The following PKHD1 variants were observed in gnomAD, a reference collection of about 807,000 sequenced individuals.
PKHD1 encodes fibrocystin.
A neutral mutation model predicts 412.0 loss-of-function variants in PKHD1; 291 were observed. The observed-to-expected ratio is 0.71, with a 90% confidence interval of 0.64 to 0.78. The LOEUF (loss-of-function observed/expected upper bound fraction) is 0.78, where lower values mean the gene tolerates loss of function less well. PKHD1 is among the 30% of genes least tolerant of loss of function. PKHD1 has a pLI of 0.00. For missense variants in PKHD1, 4,825 were observed against 4,950.7 expected, an observed-to-expected ratio of 0.97 and a Z score of 0.76; for synonymous variants, 1,777 against 1,821.5, an observed-to-expected ratio of 0.98 and a Z score of 0.62.
intron 21 of PKHD1, among the ~76,000 whole-genome samples, chr6:52,052,320 A>C (rs1806989444): frequency 6.6e-6 from 1 of 152,202 alleles, no homozygotes; most frequent in Non-Finnish European, 1.5e-5. Flanking sequence ...CAGACACCTC[A>C]GCAGGGCCCA....
chr6:51,989,947 GAAA>G (rs1796794854), intron 35 of PKHD1, among the ~76,000 whole-genome samples: 9 of 105,978 alleles, frequency 8.5e-5, no homozygotes, highest in African/African-American at 1.8e-4. Flanking sequence ...AAGGAAGGAA[GAAA>G]GGAAGGAAAG....
At chr6:51,911,641 A>G (rs527546738) in intron 39 of PKHD1, among the ~76,000 whole-genome samples, 158 bp downstream of exon 39, 1 of 152,160 alleles carries the variant, frequency 6.6e-6, no homozygotes, top group South Asian at 2.1e-4. Context: ...TGAAATGACA[A>G]TCAAGAGCAT....
intron 50 of PKHD1, among the ~76,000 whole-genome samples, chr6:51,843,350 C>T (rs1285873460): frequency 6.6e-6 from 1 of 152,220 alleles, no homozygotes; most frequent in Non-Finnish European, 1.5e-5. Context: ...TCGATGTAGG[C>T]CTCAGGCCTG....
intron 2 of PKHD1, 128 bp from the exon 3 acceptor site, chr6:52,083,383 G>T: frequency 2.8e-6 from 2 of 721,300 alleles, no homozygotes. Context: ...ACAGGTGGTT[G>T]CACCACATCC....
At chr6:51,763,251 T>C (rs983522105) in intron 55 of PKHD1, among the ~76,000 whole-genome samples, 1 of 152,038 alleles carries the variant, frequency 6.6e-6, no homozygotes, top group East Asian at 1.9e-4. Flanking sequence ...ACCTAACTTA[T>C]AGCATTGAAA....
At chr6:51,789,419 T>C (rs1793390037) in intron 53 of PKHD1, among the ~76,000 whole-genome samples, 1 of 152,102 alleles carries the variant, frequency 6.6e-6, no homozygotes, top group African/African-American at 2.4e-5. Flanking sequence ...TACATGTATA[T>C]CTATATATTC....
At chr6:51,818,350 A>C (rs973300686) in intron 52 of PKHD1, among the ~76,000 whole-genome samples, 3 of 152,252 alleles carry the variant, frequency 2.0e-5, no homozygotes, top group Non-Finnish European at 2.9e-5. Flanking sequence ...CAACGGTGTC[A>C]TCTGTGTATA....
chr6:52,010,311 G>A lies in PKHD1; in HGVS notation c.5749C>T (p.Gln1917Ter), dbSNP rs1386625920. 6.2e-7 allele frequency: 1 copy of A among 1,613,228 alleles called. No homozygotes were observed. Among genetic ancestry groups the A allele is most frequent in the Non-Finnish European group, 8.5e-7 (1 of 1,179,396 alleles). The change falls in exon 35 of 67, where the codon CAG (glutamine) becomes TAG (stop). Residue 1917 changes from glutamine (Q) to a stop codon, truncating the protein, a stop_gained and splice_region_variant. Coordinates refer to ENST00000371117, the MANE Select transcript of PKHD1 (RefSeq NM_138694.4). LOFTEE classifies it high-confidence loss of function. The part of the protein sequence containing the change: ...EIRKRWGQNT[Q>*]GNFSLQFCRR... ...CTGTAAAAAAGATTTGATTATACCT[G>A]AGTGTTCTGGCCCCAGCGTTTCCGT...
In PKHD1 at chr6:51,659,184, T is replaced by C. The variant is rs1268163169; in HGVS notation, c.10942A>G (p.Arg3648Gly). The change falls in exon 61 of 67, where the codon AGG becomes GGG. Residue 3648 changes from arginine (R) to glycine (G), a missense_variant. By Grantham distance (125) the Arg-to-Gly change is moderately radical. Coordinates refer to ENST00000371117, the MANE Select transcript of PKHD1 (RefSeq NM_138694.4). Reference sequence around the variant, plus strand: ...TCCACAGTCATTGGGGGTGAAGCCCTATGTGAGTTCATTTCCATCATGAGA... The same window carrying C: ...TCCACAGTCATTGGGGGTGAAGCCCCATGTGAGTTCATTTCCATCATGAGA... ...RPLMMEMNSH[R>G]ASPPMTVETI... The C allele has an allele frequency of 6.2e-7, 1 of 1,613,758 alleles. No individual in the cohort carries two copies. Among genetic ancestry groups the C allele is most frequent in the Non-Finnish European group, 8.5e-7 (1 of 1,179,796 alleles).
chr6:51,868,711 C>T (rs976915686), intron 47 of PKHD1, among the ~76,000 whole-genome samples: 3 of 152,116 alleles, frequency 2.0e-5, no homozygotes, highest in Admixed American at 6.6e-5. Flanking sequence ...CCCTCCAATA[C>T]CTCTTACTAT....
In PKHD1 at chr6:52,075,775, G is replaced by C. The variant is rs112672958; in HGVS notation, c.448+501C>G. 7.3e-3 allele frequency among the ~76,000 whole-genome samples: 1,115 copies of C among 152,258 alleles called. 14 individuals are homozygous for C. Among genetic ancestry groups the C allele is most frequent in the African/African-American group, 0.025 (1,041 of 41,528 alleles). ...TTCTGGCTGTCTGGTTCAAATCTCA[G>C]CTGTGGTATTTAGTATCTATATGAC... On this transcript the variant is annotated intron_variant, in intron 6 of 66. Transcript: ENST00000371117.
chr6:51,964,275 G>A (rs2127966942), intron 35 of PKHD1, among the ~76,000 whole-genome samples: 1 of 152,222 alleles, frequency 6.6e-6, no homozygotes, highest in East Asian at 1.9e-4. Context: ...ACCTATTTGT[G>A]AGTGTATGCA....
intron 31 of PKHD1, among the ~76,000 whole-genome samples, chr6:52,027,465 G>T (rs1284311466): frequency 7.2e-6 from 1 of 137,978 alleles, no homozygotes; most frequent in Admixed American, 8.6e-5. Context: ...CCGGGAGGCA[G>T]ACATTGCAGT....
At chr6:52,082,036 T>C (rs375133664) in intron 4 of PKHD1, among the ~76,000 whole-genome samples, 1 of 152,218 alleles carries the variant, frequency 6.6e-6, no homozygotes, top group African/African-American at 2.4e-5. Context: ...TTGGGGTTTA[T>C]GTGCAATCAT....
chr6:51,620,791 T>TAA (rs1561971117), intron 66 of PKHD1, among the ~76,000 whole-genome samples: 5 of 145,680 alleles, frequency 3.4e-5, no homozygotes, highest in Non-Finnish European at 7.5e-5. Flanking sequence ...TATATACATA[T>TAA]ATATATATGT....
intron 57 of PKHD1, among the ~76,000 whole-genome samples, chr6:51,752,873 G>C (rs749321115): frequency 4.6e-5 from 7 of 152,186 alleles, no homozygotes; most frequent in Non-Finnish European, 1.5e-5. Context: ...TACTGGGAAA[G>C]AGTAACAGAA....
chr6:52,070,480 T>C (rs1810434046), intron 9 of PKHD1, 35 bp from the exon 10 acceptor site: 1 of 1,525,670 alleles, frequency 6.6e-7, no homozygotes, highest in Non-Finnish European at 9.1e-7. Flanking sequence ...AACTCAGGAA[T>C]CTGCACGAGT....
chr6:51,838,605 A>G (rs1769649274), intron 50 of PKHD1, among the ~76,000 whole-genome samples: 1 of 152,246 alleles, frequency 6.6e-6, no homozygotes, highest in Non-Finnish European at 1.5e-5. Context: ...AGCAGGAAAA[A>G]TTAGAAGTCT....
chr6:51,630,523 TTC>T (rs1767799454), intron 65 of PKHD1, among the ~76,000 whole-genome samples: 1 of 152,202 alleles, frequency 6.6e-6, no homozygotes, highest in Admixed American at 6.5e-5. Context: ...ATTTAAAATT[TTC>T]TGTTTAAACT....
Sources: gnomAD v4.1 joint callset for allele counts (sites outside exome capture counted in the v4.1 genomes callset) on GRCh38, gnomAD v4.1.1 for gene constraint, MANE v1.5 for transcripts, NCBI Gene and HGNC (gene_info 2026-07-23, HGNC 2026-07-21) for gene names.